EYS: variants seen among roughly 807,000 people sequenced by gnomAD.
The protein encoded by EYS is protein eyes shut homolog.
A neutral mutation model predicts 282.1 loss-of-function variants in EYS; 250 were observed. The observed-to-expected ratio is 0.89, with a 90% CI of 0.80 to 0.98. The LOEUF (loss-of-function observed/expected upper bound fraction) is 0.98. EYS is among the 50% of genes least tolerant of loss of function. The probability of loss-of-function intolerance (pLI) is 0.00; values close to 1 mark genes in which losing one functional copy is unlikely to be tolerated. For synonymous variants in EYS, 1,355 were observed against 1,282.9 expected (o/e 1.06, Z -1.20); for missense variants, 4,016 against 3,709.0 (o/e 1.08, Z -2.15).
At chr6:65,563,574 G>A (rs565758466) in intron 2 of EYS, among the ~76,000 whole-genome samples, 3 of 150,766 alleles carry the variant, frequency 2.0e-5, no homozygotes, top group African/African-American at 7.3e-5. Flanking sequence ...TAATTCTGCA[G>A]TTTTTTTTAT....
chr6:64,918,783 A>G (rs2350001), intron 15 of EYS, among the ~76,000 whole-genome samples: 93,964 of 151,918 alleles, frequency 0.62, 29,169 homozygotes, highest in African/African-American at 0.66. Context: ...GAAATAGAAG[A>G]AAATAAGATG....
At chr6:65,247,979 A>T (rs1290117681) in intron 12 of EYS, among the ~76,000 whole-genome samples, 1 of 152,096 alleles carries the variant, frequency 6.6e-6, no homozygotes, top group Admixed American at 6.6e-5. Flanking sequence ...AATACATTAA[A>T]GACCATACAT....
At chr6:63,807,597 C>G (rs1489521011) in intron 36 of EYS, among the ~76,000 whole-genome samples, 1 of 151,916 alleles carries the variant, frequency 6.6e-6, no homozygotes, top group Admixed American at 6.6e-5. Flanking sequence ...GACTATTAAA[C>G]TAAGATATTT....
At chr6:64,779,838 G>A (rs1181875123) in intron 22 of EYS, among the ~76,000 whole-genome samples, 1 of 152,112 alleles carries the variant, frequency 6.6e-6, no homozygotes, top group Non-Finnish European at 1.5e-5. Context: ...TTAAAATGCT[G>A]TTTGATAGAT....
intron 12 of EYS, among the ~76,000 whole-genome samples, chr6:65,146,330 C>T (rs1764477355): frequency 6.6e-6 from 1 of 151,770 alleles, no homozygotes; most frequent in Non-Finnish European, 1.5e-5. Context: ...TAATAATGAT[C>T]CATTGAATAC....
intron 12 of EYS, among the ~76,000 whole-genome samples, chr6:65,267,657 G>C (rs189694413): frequency 2.3e-4 from 35 of 152,050 alleles, no homozygotes; most frequent in African/African-American, 8.2e-4. Flanking sequence ...ACCCTCAGCA[G>C]TGTATAAGCG....
intron 1 of EYS, among the ~76,000 whole-genome samples, chr6:65,670,272 T>C (rs1768351540): frequency 6.6e-6 from 1 of 152,068 alleles, no homozygotes. Flanking sequence ...AAGTCAATTA[T>C]GGAACCAAAG....
chr6:64,728,525 T>C (rs554139989), intron 22 of EYS, among the ~76,000 whole-genome samples: 11 of 152,082 alleles, frequency 7.2e-5, no homozygotes, highest in South Asian at 4.2e-4. Context: ...TTAGTAGAGG[T>C]GGGGTTTCAC....
intron 30 of EYS, among the ~76,000 whole-genome samples, chr6:64,296,606 T>A (rs1582555195): frequency 7.3e-4 from 8 of 10,926 alleles, no homozygotes; most frequent in Admixed American, 4.4e-3. Flanking sequence ...ATATTTTTTT[T>A]TTTTTTTTTT....
chr6:65,173,975 T>A (rs1765169921), intron 12 of EYS, among the ~76,000 whole-genome samples: 1 of 151,224 alleles, frequency 6.6e-6, no homozygotes, highest in Middle Eastern at 3.2e-3. Flanking sequence ...ATATAGCTTT[T>A]TTCTTAAAGA....
chr6:63,823,188 T>TC (rs1179305120), intron 36 of EYS, among the ~76,000 whole-genome samples: 7 of 152,228 alleles, frequency 4.6e-5, no homozygotes, highest in Non-Finnish European at 8.8e-5. Context: ...TACCTTTTTC[T>TC]CCCCCCTACA....
chr6:63,971,726 C>A (rs968148945), intron 35 of EYS, among the ~76,000 whole-genome samples: 6 of 152,156 alleles, frequency 3.9e-5, no homozygotes, highest in African/African-American at 1.2e-4. Flanking sequence ...CAGGCACAAT[C>A]CCACCACATA....
At chr6:65,542,831 A>G (rs1489438146) in intron 2 of EYS, among the ~76,000 whole-genome samples, 1 of 152,172 alleles carries the variant, frequency 6.6e-6, no homozygotes, top group African/African-American at 2.4e-5. Context: ...AAAGACATGC[A>G]TATTTTAAGC....
intron 12 of EYS, among the ~76,000 whole-genome samples, chr6:65,270,757 A>C (rs1258201232): frequency 1.3e-5 from 2 of 152,070 alleles, no homozygotes; most frequent in Non-Finnish European, 2.9e-5. Flanking sequence ...AACATAAATA[A>C]AATTCAGCAA....
At chr6:65,211,942 G>A (rs1167858691) in intron 12 of EYS, among the ~76,000 whole-genome samples, 1 of 151,870 alleles carries the variant, frequency 6.6e-6, no homozygotes, top group East Asian at 1.9e-4. Flanking sequence ...TGAGGTAAAG[G>A]CATAATAGAT....
intron 33 of EYS, among the ~76,000 whole-genome samples, chr6:64,052,797 G>A (rs181927233): frequency 5.3e-4 from 81 of 152,232 alleles, no homozygotes; most frequent in Middle Eastern, 6.8e-3. Context: ...TAAGCGTCTG[G>A]CATTTCCCCA....
chr6:64,314,413 A>C (rs931621766), intron 29 of EYS, among the ~76,000 whole-genome samples: 5 of 152,204 alleles, frequency 3.3e-5, no homozygotes, highest in Admixed American at 3.3e-4. Context: ...AAAGAGACTT[A>C]GACTCCCGCA....
intron 9 of EYS, among the ~76,000 whole-genome samples, chr6:65,349,244 T>G (rs561348914): frequency 1.4e-4 from 21 of 151,722 alleles, no homozygotes; most frequent in African/African-American, 5.1e-4. Flanking sequence ...TTAATGAAGC[T>G]ATGTAATCTA....
chr6:63,931,932 C>T (rs1386872153), intron 35 of EYS, among the ~76,000 whole-genome samples: 2 of 152,184 alleles, frequency 1.3e-5, no homozygotes, highest in African/African-American at 4.8e-5. Flanking sequence ...TCCTCTCCTC[C>T]TTACATTTCC....
Sources: gnomAD v4.1 joint callset for allele counts (sites outside exome capture counted in the v4.1 genomes callset) on GRCh38, gnomAD v4.1.1 for gene constraint, MANE v1.5 for transcripts, NCBI Gene and HGNC (gene_info 2026-07-23, HGNC 2026-07-21) for gene names.